The following CDC20B variants were observed in gnomAD, a reference collection of about 807,000 sequenced individuals.
The protein encoded by CDC20B is cell division cycle protein 20 homolog B.
CDC20B carries 58 observed loss-of-function variants against 64.1 expected under a neutral mutation model. The observed-to-expected ratio is 0.90, with a 90% confidence interval of 0.73 to 1.13. The LOEUF is 1.13. CDC20B is among the 50% of genes most tolerant of loss of function. The pLI, the probability that CDC20B is intolerant of heterozygous loss-of-function variation, is 0.00. For synonymous variants in CDC20B, 243 were observed against 230.6 expected (o/e 1.05, Z -0.49); for missense variants, 597 against 633.0 (o/e 0.94, Z 0.61).
At chr5:55,125,132 G>A in intron 8 of CDC20B, 104 bp from the exon 9 acceptor site, 1 of 833,974 alleles carries the variant, frequency 1.2e-6, no homozygotes, top group Non-Finnish European at 1.9e-6. Context: ...AGACCCCTAG[G>A]ACAGATTCAA....
Position 55,172,676 on chromosome 5 carries a change from A to C in CDC20B, c.64-26T>G, listed in dbSNP as rs771634015. 2.0e-6 allele frequency: 3 copies of C among 1,525,520 alleles called. No homozygotes were observed. In the South Asian group the frequency reaches 3.4e-5, roughly 17 times the overall value. The allele number at this position is 1,525,520 out of a possible 1,614,324, so 94.5% of individuals were successfully genotyped here. A position where few individuals can be genotyped will look rare whatever the true frequency, so the allele number is the denominator to read the frequency against. The stretch of plus-strand genomic sequence containing the variant: ...CTTTGAAAACACAGATAACATATTG[A>C]GGGAGAAACTATTTAGGAAAATCAT... On this transcript the variant is annotated intron_variant, in intron 1 of 11. Transcript: ENST00000381375.
chr5:55,114,343 C>A lies in CDC20B; in HGVS notation c.1460-25G>T. The A allele has an allele frequency of 6.2e-7, 1 of 1,611,904 alleles. No individual in the cohort carries two copies. Among genetic ancestry groups the A allele is most frequent in the South Asian group, 1.1e-5 (1 of 90,718 alleles). ...CCTGGGGGAAGAAGGAAAGACAGTT[C>A]ATACTCCTCCACGTTACATGGGCTG... On this transcript the variant is annotated intron_variant, in intron 11 of 11. Coordinates refer to ENST00000381375, the MANE Select transcript of CDC20B (RefSeq NM_001170402.1). The surrounding 1 kb of genome is among the most constrained non-coding windows in gnomAD (Gnocchi z 4.1).
chr5:55,164,612 T>A (rs1485677872), intron 2 of CDC20B: 2 of 153,526 alleles, frequency 1.3e-5, no homozygotes, highest in East Asian at 1.9e-4. Flanking sequence ...CTGTACTTGA[T>A]GAAAATGCCA....
intron 2 of CDC20B, among the ~76,000 whole-genome samples, chr5:55,155,317 T>C (rs1743778859): frequency 1.3e-5 from 2 of 152,208 alleles, no homozygotes; most frequent in Admixed American, 6.5e-5. Flanking sequence ...ATATGTCTAC[T>C]GACAAATAAT....
At position 55,143,562 on chromosome 5, in the gene CDC20B, G is replaced by A. The variant is rs1743389362; in HGVS notation, c.437C>T (p.Pro146Leu). The change falls in exon 4 of 12, where the codon CCT becomes CTT. Residue 146 changes from proline (P) to leucine (L), a missense_variant. Pro to Leu is a moderately conservative substitution (Grantham distance 98, BLOSUM62 -3). This residue lies in a region of CDC20B where 241 missense variants were observed against 219.2 expected (regional missense o/e 1.10). Coordinates refer to ENST00000381375, the MANE Select transcript of CDC20B (RefSeq NM_001170402.1). ...TTTCCAGTCTCTGTCCATTGCATGA[G>A]GTGCCTTGCAAAAATGGAGAGCAGA... The part of the protein sequence containing the change: ...SNSALHFCKA[P>L]HAMDRDWKES... 1 of 1,610,944 alleles carries A rather than the reference G, an allele frequency of 6.2e-7. No individual in the cohort carries two copies. The highest frequency in any genetic ancestry group is 1.1e-5 in the South Asian group (1 of 90,672).
chr5:55,124,548 T>C (rs185394315), intron 9 of CDC20B, among the ~76,000 whole-genome samples: 1 of 152,160 alleles, frequency 6.6e-6, no homozygotes, highest in East Asian at 1.9e-4. Context: ...ACTCCAAAGT[T>C]ACATGAAAAA....
chr5:55,167,367 G>A (rs766463626), intron 2 of CDC20B, among the ~76,000 whole-genome samples: 21 of 152,054 alleles, frequency 1.4e-4, no homozygotes, highest in African/African-American at 2.4e-5. Flanking sequence ...GTATATATAC[G>A]TGTACATATA....
chr5:55,127,113 T>C (rs1260216453), intron 8 of CDC20B, 144 bp downstream of exon 8: 1 of 660,526 alleles, frequency 1.5e-6, no homozygotes, highest in Non-Finnish European at 2.6e-6. Context: ...CCTGAGAGGG[T>C]GGGATCATAC....
chr5:55,124,689 T>C (rs1287651048), intron 9 of CDC20B, 114 bp downstream of exon 9: 1 of 931,232 alleles, frequency 1.1e-6, no homozygotes, highest in African/African-American at 1.7e-5. Flanking sequence ...CCAAAGCAAA[T>C]TCTAGAGAAA....
At chr5:55,161,153 G>A in intron 2 of CDC20B, 1 of 1,614,210 alleles carries the variant, frequency 6.2e-7, no homozygotes, top group Non-Finnish European at 8.5e-7. Flanking sequence ...AAGCAAGGAA[G>A]TAGAATCTTT....
rs1379036026 is a variant in CDC20B, at chr5:55,124,653, G to T, written c.1215+150C>A. 5.8e-6 allele frequency: 4 copies of T among 695,184 alleles called. No individual in the cohort carries two copies. The East Asian group carries it at 8.3e-5, about 14-fold the overall frequency. The allele number at this position is 695,184 out of a possible 1,614,324, so 43.1% of individuals were successfully genotyped here. On this transcript the variant is annotated intron_variant, in intron 9 of 11. Coordinates refer to ENST00000381375, the MANE Select transcript of CDC20B (RefSeq NM_001170402.1). ...ACCAGTGGAAAGTATAAATAGGGTT[G>T]TCTTTCAGGAGAGTGATGACAAACT...
chr5:55,129,468 C>G (rs1742975036), intron 6 of CDC20B, among the ~76,000 whole-genome samples: 1 of 152,028 alleles, frequency 6.6e-6, no homozygotes, highest in Non-Finnish European at 1.5e-5. Flanking sequence ...AAGACTCTGA[C>G]AAAAAGGCCA....
At chr5:55,157,399 G>A (rs147189931) in intron 2 of CDC20B, among the ~76,000 whole-genome samples, 340 of 152,296 alleles carry the variant, frequency 2.2e-3, no homozygotes, top group African/African-American at 7.3e-3. Context: ...GCTGTCCAGC[G>A]CACAAGTTCT....
chr5:55,128,260 T>TAAAA (rs372856760), intron 7 of CDC20B, among the ~76,000 whole-genome samples, 161 bp downstream of exon 7: 2 of 109,566 alleles, frequency 1.8e-5, no homozygotes, highest in Admixed American at 9.5e-5. Context: ...AACCATTCAG[T>TAAAA]AAAAAAAAAA....
chr5:55,133,011 T>C lies in CDC20B; in HGVS notation c.697+401A>G, dbSNP rs62360384. On this transcript the variant is annotated intron_variant, in intron 6 of 11. Transcript: ENST00000381375. Reference sequence around the variant, plus strand: ...ATCCCATGATTTATTATTTATAATCTACCTTGGCATATGGTATCAGTTCCG... The same window carrying C: ...ATCCCATGATTTATTATTTATAATCCACCTTGGCATATGGTATCAGTTCCG... Among the ~76,000 whole-genome samples, 637 of 152,320 alleles carry C rather than the reference T, an allele frequency of 4.2e-3. 6 individuals are homozygous for C. The highest frequency in any genetic ancestry group is 5.0e-3 in the Non-Finnish European group (339 of 68,026).
chr5:55,147,411 T>A (rs995959903), intron 2 of CDC20B, among the ~76,000 whole-genome samples: 1 of 139,038 alleles, frequency 7.2e-6, no homozygotes, highest in African/African-American at 2.5e-5. Flanking sequence ...ATAAAATATG[T>A]TATATTTTAT....
intron 5 of CDC20B, among the ~76,000 whole-genome samples, chr5:55,134,474 C>T (rs1441433748): frequency 6.6e-6 from 1 of 152,094 alleles, no homozygotes; most frequent in Admixed American, 6.6e-5. Flanking sequence ...AACAAAAAAA[C>T]TCCTGGGGCT....
rs770483355 is a variant in CDC20B at position 55,160,267 on chromosome 5, A to G, written c.126+12321T>C. The G allele has an allele frequency of 2.8e-5, 45 of 1,613,874 alleles. No homozygotes were observed. The Admixed American group carries it at 7.3e-4, about 26-fold the overall frequency. On this transcript the variant is annotated intron_variant, in intron 2 of 11. Coordinates refer to ENST00000381375, the MANE Select transcript of CDC20B (RefSeq NM_001170402.1). ...AGGTATTTGCAGTTTTGCTGTCTAT[A>G]GTTCTATGCACAGTAACGCTATTTC...
intron 9 of CDC20B, among the ~76,000 whole-genome samples, chr5:55,121,894 A>C (rs1234899919): frequency 6.6e-6 from 1 of 152,206 alleles, no homozygotes; most frequent in Non-Finnish European, 1.5e-5. Flanking sequence ...CTACATCTTA[A>C]CGCTTTTCTT....
Sources: allele counts gnomAD v4.1 joint callset (sites outside exome capture counted in the v4.1 genomes callset), GRCh38; gene constraint gnomAD v4.1.1; regional missense constraint gnomAD v4.1.1; non-coding constraint Gnocchi (gnomAD v3.1); transcripts MANE v1.5; gene names NCBI Gene and HGNC (gene_info 2026-07-23, HGNC 2026-07-21).